The following SHANK2 variants were observed in gnomAD, a reference collection of about 807,000 sequenced individuals.
The protein encoded by SHANK2 is SH3 and multiple ankyrin repeat domains protein 2.
SHANK2 carries 43 observed loss-of-function variants against 133.7 expected under a neutral mutation model. The ratio of observed to expected loss-of-function variants is 0.32; its 90% CI spans 0.25 to 0.41. SHANK2 has a LOEUF of 0.41. Ranked by LOEUF, SHANK2 falls within the 10% of genes least tolerant of loss-of-function variation. The probability of loss-of-function intolerance (pLI) is 1.00; values close to 1 mark genes in which losing one functional copy is unlikely to be tolerated. For synonymous variants in SHANK2, 1,017 were observed against 952.8 expected (o/e 1.07, Z -1.24); for missense variants, 1,994 against 2,235.8 (o/e 0.89, Z 2.18).
rs576541760 is a variant in SHANK2, at chr11:71,179,594, C to A, written c.-12-32256G>T. ...ACTTTCACACTTCTCCTCAGCAAGA[C>A]AAGAAAAATACATAAAATGCATCCA... is the stretch of plus-strand genomic sequence containing the variant. On this transcript the variant is annotated intron_variant, in intron 2 of 25. Coordinates refer to ENST00000601538, the MANE Select transcript of SHANK2 (RefSeq NM_012309.5). 3.3e-3 allele frequency among the ~76,000 whole-genome samples: 504 copies of A among 152,218 alleles called. 7 individuals carry two copies. The highest frequency in any genetic ancestry group is 0.012 in the African/African-American group (488 of 41,528).
intron 14 of SHANK2, among the ~76,000 whole-genome samples, chr11:70,700,550 G>A (rs75205819): frequency 3.3e-5 from 5 of 152,130 alleles, no homozygotes; most frequent in South Asian, 2.1e-4. Context: ...AGCCAGCACC[G>A]GTCCAGCCAA....
At chr11:71,089,015 C>T (rs966446210) in intron 8 of SHANK2, among the ~76,000 whole-genome samples, 1 of 152,036 alleles carries the variant, frequency 6.6e-6, no homozygotes, top group African/African-American at 2.4e-5. Context: ...ACTGCACCAC[C>T]CCACCAGGGG....
chr11:70,857,796 G>A (rs1949194727), intron 11 of SHANK2, among the ~76,000 whole-genome samples: 2 of 152,188 alleles, frequency 1.3e-5, no homozygotes, highest in Non-Finnish European at 2.9e-5. Context: ...GACCCTTGAA[G>A]GCCAAAAATG....
Position 70,583,462 on chromosome 11 carries a change from C to G in SHANK2, c.2061+76366G>C, listed in dbSNP as rs186308637. On this transcript the variant is annotated intron_variant, in intron 17 of 25. Coordinates refer to ENST00000601538, the MANE Select transcript of SHANK2 (RefSeq NM_012309.5). ...CCAGTCCTGCCCTGTGCCTACAGCACAGCAAGTGCTCGGTGAATACTGGCA... is the reference window on the plus strand; with the variant it reads ...CCAGTCCTGCCCTGTGCCTACAGCAGAGCAAGTGCTCGGTGAATACTGGCA... Among the ~76,000 whole-genome samples, 121 of 152,310 alleles carry G rather than the reference C, an allele frequency of 7.9e-4. 1 individual carries two copies. The highest frequency in any genetic ancestry group is 2.8e-3 in the African/African-American group (116 of 41,574).
intron 17 of SHANK2, among the ~76,000 whole-genome samples, chr11:70,550,886 G>A (rs2059756666): frequency 6.6e-6 from 1 of 152,210 alleles, no homozygotes; most frequent in Non-Finnish European, 1.5e-5. Context: ...GAAACATCGA[G>A]GTGTGGATGG....
rs1396475420 is a variant in SHANK2, at chr11:70,500,494, G to A, written c.2308+76C>T. On this transcript the variant is annotated intron_variant, in intron 21 of 25. Transcript: ENST00000601538. This position sits in a 1 kb window ranked among gnomAD's most constrained non-coding sequence, Gnocchi z 4.5. ...CTTTGCGACACATTTGAGACTTCAC[G>A]GCATCACAAAGGATGTTTCTGTTCC... 11 of 1,551,332 alleles carry A rather than the reference G, an allele frequency of 7.1e-6. No individual in the cohort carries two copies. The highest frequency in any genetic ancestry group is 4.8e-5 in the East Asian group (2 of 41,972).
intron 2 of SHANK2, among the ~76,000 whole-genome samples, chr11:71,213,937 G>A (rs760370072): frequency 2.6e-5 from 4 of 152,040 alleles, no homozygotes; most frequent in Admixed American, 1.3e-4. Flanking sequence ...CCATGCACTC[G>A]CATGCACAAG....
chr11:70,855,800 T>C (rs973924559), intron 11 of SHANK2, among the ~76,000 whole-genome samples: 2 of 152,204 alleles, frequency 1.3e-5, no homozygotes, highest in Non-Finnish European at 2.9e-5. Context: ...GGTAACTGCA[T>C]GGATTGTTGG....
chr11:70,896,205 T>C (rs1019320881), intron 11 of SHANK2, among the ~76,000 whole-genome samples: 3 of 152,218 alleles, frequency 2.0e-5, no homozygotes, highest in Non-Finnish European at 4.4e-5. Context: ...AAATCAATGA[T>C]GTTCACATGG....
intron 15 of SHANK2, among the ~76,000 whole-genome samples, chr11:70,690,701 ATAAATAT>A (rs1945270204): frequency 1.4e-5 from 2 of 147,720 alleles, no homozygotes; most frequent in South Asian, 4.2e-4. Flanking sequence ...AAATATAAAT[ATAAATAT>A]AAATATAAAT....
chr11:70,883,996 T>C (rs1949697953), intron 11 of SHANK2, among the ~76,000 whole-genome samples: 1 of 151,754 alleles, frequency 6.6e-6, no homozygotes. Context: ...CTCAGAAGGG[T>C]AGGAACAGAG....
intron 15 of SHANK2, among the ~76,000 whole-genome samples, chr11:70,683,838 C>T (rs1457440731): frequency 1.3e-5 from 2 of 151,578 alleles, no homozygotes; most frequent in African/African-American, 2.4e-5. Flanking sequence ...GGCTGGAGTG[C>T]AGTGGCGTGA....
chr11:71,116,645 T>C lies in SHANK2; in HGVS notation c.411+2184A>G, dbSNP rs533750228. Reference sequence around the variant, plus strand: ...TGTTACTCAAGGACTCAGAGATGAATTGGAGAATGGTATGGTTTGACTGTG... The same window carrying C: ...TGTTACTCAAGGACTCAGAGATGAACTGGAGAATGGTATGGTTTGACTGTG... On this transcript the variant is annotated intron_variant, in intron 4 of 25. Coordinates refer to ENST00000601538, the MANE Select transcript of SHANK2 (RefSeq NM_012309.5). Among the ~76,000 whole-genome samples the C allele has an allele frequency of 2.0e-5, 3 of 152,334 alleles. No homozygotes were observed. The East Asian group carries it at 5.8e-4, about 29-fold the overall frequency.
At chr11:70,862,206 C>T (rs911283161) in intron 11 of SHANK2, among the ~76,000 whole-genome samples, 9 of 152,218 alleles carry the variant, frequency 5.9e-5, no homozygotes, top group African/African-American at 2.2e-4. Context: ...CACAGCCTGA[C>T]CTCATCCCAG....
At chr11:70,941,914 C>CTGTG (rs1447373917) in intron 10 of SHANK2, among the ~76,000 whole-genome samples, 1 of 151,682 alleles carries the variant, frequency 6.6e-6, no homozygotes, top group Admixed American at 6.6e-5. Flanking sequence ...GAAAAGAGGG[C>CTGTG]TGTGTGTGGT....
intron 10 of SHANK2, among the ~76,000 whole-genome samples, chr11:70,947,050 C>G (rs1950755497): frequency 6.6e-6 from 1 of 151,894 alleles, no homozygotes; most frequent in South Asian, 2.1e-4. Flanking sequence ...CTGCACTAAC[C>G]AACCCTTCTC....
chr11:71,205,888 G>A (rs1262289246), intron 2 of SHANK2, among the ~76,000 whole-genome samples: 7 of 151,904 alleles, frequency 4.6e-5, no homozygotes, highest in Non-Finnish European at 7.4e-5. Context: ...CTGGGAGAAA[G>A]GAAAGGCCCC....
intron 1 of SHANK2, among the ~76,000 whole-genome samples, chr11:71,250,637 T>A (rs1404827619): frequency 6.6e-6 from 1 of 152,112 alleles, no homozygotes; most frequent in East Asian, 1.9e-4. Flanking sequence ...GTTGGAAAAC[T>A]CCAAAAGCAA....
chr11:70,652,245 G>T (rs1172250512), intron 17 of SHANK2, among the ~76,000 whole-genome samples: 2 of 152,202 alleles, frequency 1.3e-5, no homozygotes, highest in Non-Finnish European at 2.9e-5. Flanking sequence ...GCTGGCGGGT[G>T]GGGTGGGACA....
Sources: allele counts gnomAD v4.1 joint callset (sites outside exome capture counted in the v4.1 genomes callset), GRCh38; gene constraint gnomAD v4.1.1; non-coding constraint Gnocchi (gnomAD v3.1); transcripts MANE v1.5; gene names NCBI Gene and HGNC (gene_info 2026-07-23, HGNC 2026-07-21).